ZBTB20: variants seen among roughly 807,000 people sequenced by gnomAD.
The protein encoded by ZBTB20 is zinc finger and BTB domain containing 20, also known as zinc finger and BTB domain-containing protein 20.
Under a neutral mutation model 56.9 loss-of-function variants are expected in ZBTB20, and 9 were observed. The observed-to-expected ratio is 0.16, with a 90% CI of 0.10 to 0.28. The LOEUF is 0.28. Ranked by LOEUF, ZBTB20 falls within the 10% of genes least tolerant of loss-of-function variation. The pLI, the probability that ZBTB20 is intolerant of heterozygous loss-of-function variation, is 1.00. For synonymous variants in ZBTB20, 417 were observed against 420.7 expected (o/e 0.99, Z 0.11); for missense variants, 655 against 1,003.0 (o/e 0.65, Z 4.69).
chr3:114,875,989 T>C (rs2076176421), intron 4 of ZBTB20, among the ~76,000 whole-genome samples: 1 of 152,066 alleles, frequency 6.6e-6, no homozygotes, highest in South Asian at 2.1e-4. Flanking sequence ...ACCCCAGCAC[T>C]TTGGGAGGCC....
At chr3:114,888,444 T>C (rs1298157323) in intron 4 of ZBTB20, among the ~76,000 whole-genome samples, 1 of 152,142 alleles carries the variant, frequency 6.6e-6, no homozygotes, top group Non-Finnish European at 1.5e-5. Flanking sequence ...TATATTGATG[T>C]AAATAATTAA....
chr3:115,067,799 TTAA>T (rs1158004829), intron 2 of ZBTB20, among the ~76,000 whole-genome samples: 1 of 152,164 alleles, frequency 6.6e-6, no homozygotes, highest in Non-Finnish European at 1.5e-5. Context: ...ATGCTCGCCA[TTAA>T]TATGCACTAA....
At chr3:114,451,467 A>G (rs772182749) in intron 7 of ZBTB20, among the ~76,000 whole-genome samples, 2 of 152,092 alleles carry the variant, frequency 1.3e-5, no homozygotes, top group Non-Finnish European at 2.9e-5. Context: ...AAAAGCCTAG[A>G]ATGAGGTTTC....
chr3:114,569,315 G>A (rs2110354130), intron 6 of ZBTB20, among the ~76,000 whole-genome samples: 1 of 152,228 alleles, frequency 6.6e-6, no homozygotes, highest in South Asian at 2.1e-4. Context: ...ATTCCCAGGT[G>A]GACAGGAAGT....
At chr3:114,641,179 T>C (rs1282687894) in intron 6 of ZBTB20, among the ~76,000 whole-genome samples, 1 of 152,040 alleles carries the variant, frequency 6.6e-6, no homozygotes, top group African/African-American at 2.4e-5. Flanking sequence ...TTTTTCCCTT[T>C]CAACTTCTAT....
At chr3:114,687,636 A>C (rs570384696) in intron 6 of ZBTB20, 1 of 151,994 alleles carries the variant, frequency 6.6e-6, no homozygotes, top group East Asian at 1.9e-4. Flanking sequence ...AGAAAGAAAG[A>C]AATGAGTTCA....
chr3:114,550,824 C>T lies in ZBTB20; in HGVS notation c.-294-50433G>A, dbSNP rs551536456. On this transcript the variant is annotated intron_variant, in intron 6 of 11. Transcript: ENST00000675478. The stretch of plus-strand genomic sequence containing the variant: ...GGAGTGCAGTGGCGTGATCTCTGCT[C>T]ACTGCAACCTCTGCCTCCTGGGTTC... Among the ~76,000 whole-genome samples the T allele has an allele frequency of 1.8e-4, 27 of 152,320 alleles. No individual in the cohort carries two copies. The South Asian group carries it at 5.2e-3, about 29-fold the overall frequency.
At chr3:114,421,143 T>C (rs931007748) in intron 7 of ZBTB20, among the ~76,000 whole-genome samples, 2 of 152,148 alleles carry the variant, frequency 1.3e-5, no homozygotes, top group African/African-American at 4.8e-5. Context: ...TAGACCTTTA[T>C]GTCCACAGGA....
At chr3:115,133,970 T>C (rs1354276864) in intron 1 of ZBTB20, among the ~76,000 whole-genome samples, 1 of 152,252 alleles carries the variant, frequency 6.6e-6, no homozygotes, top group East Asian at 1.9e-4. Context: ...CATTGATCTT[T>C]CCAAAGAACC....
chr3:115,116,767 T>G (rs1414204724), intron 1 of ZBTB20, among the ~76,000 whole-genome samples: 3 of 151,876 alleles, frequency 2.0e-5, no homozygotes, highest in Non-Finnish European at 4.4e-5. Context: ...AGAAAGAGAT[T>G]AACTGTTCAA....
chr3:114,414,243 A>G lies in ZBTB20; in HGVS notation c.-254-25138T>C, dbSNP rs112665707. ...TTCTTAGTTTTCCTAATCTAAACTCAGGTACTACAATAGAAGTAATATCCA... is the reference window on the plus strand; with the variant it reads ...TTCTTAGTTTTCCTAATCTAAACTCGGGTACTACAATAGAAGTAATATCCA... On this transcript the variant is annotated intron_variant, in intron 7 of 11. Transcript: ENST00000675478. Among the ~76,000 whole-genome samples, 897 of 152,284 alleles carry G rather than the reference A, an allele frequency of 5.9e-3. 7 individuals are homozygous for G. The highest frequency in any genetic ancestry group is 0.02 in the African/African-American group (823 of 41,582).
At chr3:115,077,558 G>T (rs1343076157) in intron 1 of ZBTB20, among the ~76,000 whole-genome samples, 4 of 152,180 alleles carry the variant, frequency 2.6e-5, no homozygotes. Context: ...TTTCCTTAGA[G>T]CAGCCCAGAC....
At chr3:114,608,220 A>AATTCAT (rs2057312002) in intron 6 of ZBTB20, among the ~76,000 whole-genome samples, 1 of 152,226 alleles carries the variant, frequency 6.6e-6, no homozygotes, top group Non-Finnish European at 1.5e-5. Context: ...TCCTGGGAAG[A>AATTCAT]GCATAGGAAG....
chr3:114,377,596 T>C (rs1481179372), intron 10 of ZBTB20, among the ~76,000 whole-genome samples: 2 of 152,188 alleles, frequency 1.3e-5, no homozygotes, highest in Non-Finnish European at 2.9e-5. Context: ...TTATCCATCA[T>C]GTTTTACAAC....
At chr3:114,386,008 T>G (rs1254417751) in intron 8 of ZBTB20, among the ~76,000 whole-genome samples, 1 of 152,214 alleles carries the variant, frequency 6.6e-6, no homozygotes, top group Non-Finnish European at 1.5e-5. Flanking sequence ...TGCTGTATAC[T>G]TCCTGACATC....
intron 1 of ZBTB20, among the ~76,000 whole-genome samples, chr3:115,145,207 T>C (rs2084928256): frequency 6.6e-6 from 1 of 152,250 alleles, no homozygotes; most frequent in Non-Finnish European, 1.5e-5. Context: ...AACTTTGATA[T>C]ATTCTAAGAA....
In ZBTB20 at chr3:114,337,253, A is replaced by G. The variant is rs57759380; in HGVS notation, c.*1752T>C. 12,048 of 152,284 alleles carry G rather than the reference A, an allele frequency of 0.079. 1,001 individuals are homozygous for G. The highest frequency in any genetic ancestry group is 0.21 in the African/African-American group (8,752 of 41,520). The allele number at this position is 152,284 out of a possible 1,614,324, so 9.4% of individuals were successfully genotyped here. ...AAGGAAAAAAGTAATTTTGGCATCA[A>G]TGCATCTTGATCTATAACAGGCTTC... On this transcript the variant is annotated 3_prime_UTR_variant, in exon 12 of 12. Coordinates refer to ENST00000675478, the MANE Select transcript of ZBTB20 (RefSeq NM_001348800.3).
At chr3:114,912,395 G>A (rs530450678) in intron 3 of ZBTB20, among the ~76,000 whole-genome samples, 21 of 151,156 alleles carry the variant, frequency 1.4e-4, no homozygotes, top group South Asian at 2.1e-4. Flanking sequence ...ATGGTAATAC[G>A]CACATCACTT....
intron 2 of ZBTB20, among the ~76,000 whole-genome samples, chr3:115,013,079 G>T (rs1349277985): frequency 6.6e-6 from 1 of 151,580 alleles, no homozygotes; most frequent in East Asian, 1.9e-4. Flanking sequence ...TACTAAGAGG[G>T]AAGTTTATAG....
Sources: gnomAD v4.1 joint callset for allele counts (sites outside exome capture counted in the v4.1 genomes callset) on GRCh38, gnomAD v4.1.1 for gene constraint, MANE v1.5 for transcripts, NCBI Gene and HGNC (gene_info 2026-07-23, HGNC 2026-07-21) for gene names.